RNF40: variants seen among roughly 807,000 people sequenced by gnomAD.
The protein encoded by RNF40 is E3 ubiquitin-protein ligase BRE1B.
RNF40 carries 39 observed loss-of-function variants against 123.3 expected under a neutral mutation model. The observed-to-expected ratio is 0.32, with a 90% CI of 0.24 to 0.41. The LOEUF (loss-of-function observed/expected upper bound fraction) is 0.41, where lower values mean the gene tolerates loss of function less well. Ranked by LOEUF, RNF40 falls within the 10% of genes least tolerant of loss-of-function variation. The probability of loss-of-function intolerance (pLI) is 1.00; values close to 1 mark genes in which losing one functional copy is unlikely to be tolerated. For synonymous variants in RNF40, 538 were observed against 526.0 expected, an observed-to-expected ratio of 1.02 and a Z score of -0.31; for missense variants, 1,003 against 1,319.9, an observed-to-expected ratio of 0.76 and a Z score of 3.72.
chr16:30,762,201 T>A (rs1446396713), upstream of RNF40: 1 of 331,120 alleles, frequency 3.0e-6, no homozygotes, highest in African/African-American at 2.2e-5. Flanking sequence ...GGACCAAGCG[T>A]AACCAATAGA....
In RNF40 at chr16:30,772,101, C is replaced by T; in HGVS notation, c.2740C>T (p.Arg914Trp). The stretch of plus-strand genomic sequence containing the variant: ...TCTCCTGCCCCAGGAGGACATCTCA[C>T]GGCTGCGGCGCAAGCTGGAAAAGCA... Reference protein sequence around the residue: ...NLKRAQEDISRLRRKLEKQRK... With the variant: ...NLKRAQEDISWLRRKLEKQRK... Residue 914 changes from arginine to tryptophan, a missense_variant, in exon 19 of 20, where the codon CGG becomes TGG. Arg to Trp is a moderately radical substitution (Grantham distance 101). Coordinates refer to ENST00000324685, the MANE Select transcript of RNF40 (RefSeq NM_014771.4). 3.2e-6 allele frequency: 5 copies of T among 1,560,456 alleles called. No individual in the cohort carries two copies. Among genetic ancestry groups the T allele is most frequent in the African/African-American group, 1.4e-5 (1 of 73,488 alleles).
Position 30,765,214 on chromosome 16 carries a change from G to T in RNF40, c.805G>T (p.Glu269Ter). 2 of 1,614,230 alleles carry T rather than the reference G, an allele frequency of 1.2e-6. No homozygotes were observed. Among genetic ancestry groups the T allele is most frequent in the Non-Finnish European group, 1.7e-6 (2 of 1,180,022 alleles). The change falls in exon 7 of 20, where the codon GAG (glutamate) becomes TAG (stop). Residue 269 changes from glutamate to a stop codon, truncating the protein, a stop_gained. Coordinates refer to ENST00000324685, the MANE Select transcript of RNF40 (RefSeq NM_014771.4). LOFTEE classifies it high-confidence loss of function. ...SELQDKVTSAETKVLEMETTV... is the reference protein window; with the variant it reads ...SELQDKVTSA ...GCTCCAGGATAAAGTGACATCGGCA[G>T]AGACCAAGGTGCTGGAGATGGAGAC...
intron 19 of RNF40, 182 bp downstream of exon 19, chr16:30,772,372 G>A (rs1470054039): frequency 1.5e-6 from 1 of 681,908 alleles, no homozygotes; most frequent in East Asian, 2.7e-5. Flanking sequence ...CACAGTGCTT[G>A]GCTGGGTGTG....
Position 30,764,374 on chromosome 16 carries a change from T to C in RNF40, c.638T>C (p.Val213Ala), listed in dbSNP as rs1267502701. The C allele has an allele frequency of 1.2e-6, 2 of 1,612,764 alleles. No homozygotes were observed. The highest frequency in any genetic ancestry group is 1.3e-5 in the African/African-American group (1 of 74,964). The part of the protein sequence containing the change: ...QRRVEELCQR[V>A]YSRGDSEPLS... ...CGGGTGGAGGAACTCTGTCAGCGAG[T>C]GTACAGCCGAGGTGGGTTCTTTGTG... Residue 213 changes from valine (V) to alanine (A), a missense_variant, in exon 5 of 20, where the codon GTG becomes GCG. Transcript: ENST00000324685.
At position 30,762,692 on chromosome 16, in the gene RNF40, G is replaced by A. The variant is rs775857200; in HGVS notation, c.132+15G>A. 2 of 1,610,588 alleles carry A rather than the reference G, an allele frequency of 1.2e-6. No individual in the cohort carries two copies. The highest frequency in any genetic ancestry group is 2.2e-5 in the East Asian group (1 of 44,804). On this transcript the variant is annotated intron_variant, in intron 2 of 19. Transcript: ENST00000324685. The stretch of plus-strand genomic sequence containing the variant: ...TCTCTTCCACGGTTCGTGGGCTCTT[G>A]CCTTAACCCTCAGAACTTCCCAGAG...
In RNF40 at chr16:30,774,896, G is replaced by A; in HGVS notation, c.*782G>A. 1 of 454,510 alleles carries A rather than the reference G, an allele frequency of 2.2e-6. No homozygotes were observed. Among genetic ancestry groups the A allele is most frequent in the South Asian group, 1.6e-5 (1 of 64,314 alleles). The allele number at this position is 454,510 out of a possible 1,614,324, so 28.2% of individuals were successfully genotyped here. ...TGGACCTAACCCTGCTTTCATCCTG[G>A]TGGCCTTAACTACAGTGGAGGTGGA... On this transcript the variant is annotated 3_prime_UTR_variant, in exon 20 of 20. Transcript: ENST00000324685.
chr16:30,766,675 C>A lies in RNF40; in HGVS notation c.1294-66C>A. On this transcript the variant is annotated intron_variant, in intron 10 of 19. Transcript: ENST00000324685. The surrounding 1 kb of genome is among the most constrained non-coding windows in gnomAD (Gnocchi z 5.4). ...AGGGGTCCCTGGGGAATAGATTCTT[C>A]CTAAGATACTGAGTCCTGAGGTGGG... 1 of 1,602,666 alleles carries A rather than the reference C, an allele frequency of 6.2e-7. No homozygotes were observed. Among genetic ancestry groups the A allele is most frequent in the South Asian group, 1.1e-5 (1 of 89,852 alleles).
rs1418819549 is a variant in RNF40 at position 30,774,345 on chromosome 16, AC to A, written c.*232del. On this transcript the variant is annotated 3_prime_UTR_variant, in exon 20 of 20. Coordinates refer to ENST00000324685, the MANE Select transcript of RNF40 (RefSeq NM_014771.4). The stretch of plus-strand genomic sequence containing the variant: ...GCTGCAGCCTAGGGGGCACTGCCCT[AC>A]AGAAAAGGTCTGCCTGAGAGGCCTG... The A allele has an allele frequency of 3.9e-6, 2 of 510,774 alleles. No homozygotes were observed. The highest frequency in any genetic ancestry group is 3.8e-5 in the African/African-American group (2 of 52,414). The allele number at this position is 510,774 out of a possible 1,614,324, so 31.6% of individuals were successfully genotyped here.
In RNF40 at chr16:30,765,445, A is replaced by ATCTGGGAGC. The variant is rs750361573; in HGVS notation, c.942_950dup (p.Gly315_Ser317dup). On this transcript the variant is annotated inframe_insertion, in exon 8 of 20. Transcript: ENST00000324685. ...CACAGCTTAACTCTGGCTACTATGT[A>ATCTGGGAGC]TCTGGGAGCTCCTCAGGCTTCCAGG... 6.2e-7 allele frequency: 1 copy of ATCTGGGAGC among 1,614,168 alleles called. No homozygotes were observed. Among genetic ancestry groups the ATCTGGGAGC allele is most frequent in the South Asian group, 1.1e-5 (1 of 91,076 alleles).
chr16:30,768,824 T>TC lies in RNF40; in HGVS notation c.2098-11dup. On this transcript the variant is annotated splice_polypyrimidine_tract_variant and intron_variant, in intron 14 of 19. Transcript: ENST00000324685. The surrounding 1 kb of genome is among the most constrained non-coding windows in gnomAD (Gnocchi z 4.1). ...AAGCAGTGTCAAGAGAGTTTCTTCT[T>TC]CCCTGTGCTATAGGTTGATGAGCTG... 1 of 1,614,190 alleles carries TC rather than the reference T, an allele frequency of 6.2e-7. No homozygotes were observed. The highest frequency in any genetic ancestry group is 8.5e-7 in the Non-Finnish European group (1 of 1,180,042).
At chr16:30,772,274 C>G in intron 19 of RNF40, 84 bp downstream of exon 19, 1 of 1,130,964 alleles carries the variant, frequency 8.8e-7, no homozygotes, top group Non-Finnish European at 1.3e-6. Flanking sequence ...GTCTGGGGAC[C>G]CTGGAAGTAA....
rs140772506 is a variant in RNF40, at chr16:30,768,394, C to T, written c.1843C>T (p.Arg615Trp). 4.3e-4 allele frequency: 688 copies of T among 1,613,592 alleles called. No homozygotes were observed. Among genetic ancestry groups the T allele is most frequent in the Non-Finnish European group, 5.6e-4 (661 of 1,179,898 alleles). ...TGAGGCCAGGCCCAAGCGGGAGCTTCGGGAACGGGAAGGTCCCAGCCTAGG... is the reference window on the plus strand; with the variant it reads ...TGAGGCCAGGCCCAAGCGGGAGCTTTGGGAACGGGAAGGTCCCAGCCTAGG... Reference protein sequence around the residue: ...EPEARPKRELREREGPSLGPP... With the variant: ...EPEARPKRELWEREGPSLGPP... The change falls in exon 13 of 20, where the codon CGG (arginine) becomes TGG (tryptophan). Residue 615 changes from arginine (R) to tryptophan (W), a missense_variant. Physicochemically the swap from Arg to Trp is moderately radical, Grantham distance 101. Coordinates refer to ENST00000324685, the MANE Select transcript of RNF40 (RefSeq NM_014771.4). This position sits in a 1 kb window ranked among gnomAD's most constrained non-coding sequence, Gnocchi z 4.1.
rs376864703 is a variant in RNF40 at position 30,769,407 on chromosome 16, G to A, written c.2460+9G>A. ...TTGGCCTCAAGTCCCAGGTATGGCC[G>A]CCGCCAGCTTGCAGACTGGAGCTGG... On this transcript the variant is annotated intron_variant, in intron 16 of 19. Transcript: ENST00000324685. The A allele has an allele frequency of 1.6e-5, 26 of 1,614,074 alleles. No homozygotes were observed. Among genetic ancestry groups the A allele is most frequent in the Admixed American group, 3.3e-5 (2 of 60,006 alleles).
rs778910309 is a variant in RNF40, at chr16:30,765,452, A to G, written c.946A>G (p.Ser316Gly). Residue 316 changes from serine to glycine, a missense_variant, in exon 8 of 20, where the codon AGC becomes GGC. Physicochemically the swap from Ser to Gly is moderately conservative, Grantham distance 56. Around this residue, in one of 11 missense-constraint regions of RNF40, gnomAD observed 274 missense variants for 356.9 expected, o/e 0.77. Transcript: ENST00000324685. Reference sequence around the variant, plus strand: ...TAACTCTGGCTACTATGTATCTGGGAGCTCCTCAGGCTTCCAGGGGGGCCA... The same window carrying G: ...TAACTCTGGCTACTATGTATCTGGGGGCTCCTCAGGCTTCCAGGGGGGCCA... ...QLNSGYYVSG[S>G]SSGFQGGQIT... is the part of the protein sequence containing the mutation. The G allele has an allele frequency of 6.2e-7, 1 of 1,614,048 alleles. No individual in the cohort carries two copies. The highest frequency in any genetic ancestry group is 8.5e-7 in the Non-Finnish European group (1 of 1,180,020).
chr16:30,767,064 T>A (rs768219989), intron 11 of RNF40, among the ~76,000 whole-genome samples, 188 bp downstream of exon 11: 5 of 152,296 alleles, frequency 3.3e-5, no homozygotes, highest in Middle Eastern at 6.8e-3. Context: ...CTGGGGTGGC[T>A]GATGGAGCAG....
chr16:30,764,292 G>A lies in RNF40; in HGVS notation c.556G>A (p.Glu186Lys). ...GGAGCTGGAGCTGCAAGGCCGAATG[G>A]AGTTCTCCAAGGCAGCTGTGTCTCG... ...EVELELQGRM[E>K]FSKAAVSRVV... is the part of the protein sequence containing the mutation. Residue 186 changes from glutamate (E) to lysine (K), a missense_variant, in exon 5 of 20, where the codon GAG (glutamate) becomes AAG (lysine). Transcript: ENST00000324685. 1 of 1,613,806 alleles carries A rather than the reference G, an allele frequency of 6.2e-7. No homozygotes were observed. The highest frequency in any genetic ancestry group is 8.5e-7 in the Non-Finnish European group (1 of 1,179,900).
At chr16:30,770,683 C>T (rs541765752) in intron 17 of RNF40, among the ~76,000 whole-genome samples, 1 of 152,240 alleles carries the variant, frequency 6.6e-6, no homozygotes, top group South Asian at 2.1e-4. Flanking sequence ...CCAGTTAGTT[C>T]ATTCATTTAA....
At chr16:30,773,370 TAGC>T (rs886801031) in intron 19 of RNF40, among the ~76,000 whole-genome samples, 1 of 152,048 alleles carries the variant, frequency 6.6e-6, no homozygotes, top group Non-Finnish European at 1.5e-5. Flanking sequence ...GCTGGGATTT[TAGC>T]AGGCTGGAGG....
Position 30,765,013 on chromosome 16 carries a change from A to T in RNF40, c.725A>T (p.Asp242Val). The T allele has an allele frequency of 6.2e-7, 1 of 1,613,920 alleles. No homozygotes were observed. Among genetic ancestry groups the T allele is most frequent in the Middle Eastern group, 1.7e-4 (1 of 5,974 alleles). The change falls in exon 6 of 20, where the codon GAC becomes GTC. Residue 242 changes from aspartate (D) to valine (V), a missense_variant. This residue lies in a region of RNF40 where 274 missense variants were observed against 356.9 expected (regional missense o/e 0.77). Coordinates refer to ENST00000324685, the MANE Select transcript of RNF40 (RefSeq NM_014771.4). ...ELGRENRRLQ[D>V]LATQLQEKHH... ...GGCCGTGAGAACCGGCGACTGCAGGACTTGGCCACTCAGCTGCAGGAGAAA... is the reference window on the plus strand; with the variant it reads ...GGCCGTGAGAACCGGCGACTGCAGGTCTTGGCCACTCAGCTGCAGGAGAAA...
Sources: allele counts gnomAD v4.1 joint callset (sites outside exome capture counted in the v4.1 genomes callset), GRCh38; gene constraint gnomAD v4.1.1; regional missense constraint gnomAD v4.1.1; non-coding constraint Gnocchi (gnomAD v3.1); transcripts MANE v1.5; gene names NCBI Gene and HGNC (gene_info 2026-07-23, HGNC 2026-07-21).